Variants in NT5DC3 observed in about 807,000 individuals in gnomAD.
The protein encoded by NT5DC3 is 5'-nucleotidase domain containing 3, also known as 5'-nucleotidase domain-containing protein 3.
In NT5DC3, 42 loss-of-function variants were observed where a neutral mutation model predicts 67.8. The ratio of observed to expected loss-of-function variants is 0.62; its 90% CI spans 0.48 to 0.80. The LOEUF (loss-of-function observed/expected upper bound fraction) is 0.80, where lower values mean the gene tolerates loss of function less well. Ranked by LOEUF, NT5DC3 falls within the 30% of genes least tolerant of loss-of-function variation. The pLI is 0.00. For synonymous variants in NT5DC3, 237 were observed against 255.6 expected (o/e 0.93, Z 0.69); for missense variants, 570 against 696.4 (o/e 0.82, Z 2.04).
chr12:103,764,807 G>T, the NT5DC3 span, among the ~76,000 whole-genome samples: 2 of 151,974 alleles, frequency 1.3e-5, no homozygotes, highest in Non-Finnish European at 2.9e-5. Context: ...CATTTCAAGG[G>T]TAAGTTCGGG....
At chr12:103,778,553 A>C (rs1458324391) in intron 13 of NT5DC3, among the ~76,000 whole-genome samples, 1 of 150,764 alleles carries the variant, frequency 6.6e-6, no homozygotes, top group Non-Finnish European at 1.5e-5. Context: ...ACAAACAAAC[A>C]AAAAAAACAG....
chr12:103,783,980 G>A (rs949325143), intron 12 of NT5DC3, among the ~76,000 whole-genome samples: 1 of 152,114 alleles, frequency 6.6e-6, no homozygotes, highest in Non-Finnish European at 1.5e-5. Flanking sequence ...TGGACTTGGG[G>A]ACTTGGTTCA....
At chr12:103,759,612 T>C in the NT5DC3 span, among the ~76,000 whole-genome samples, 35 of 152,226 alleles carry the variant, frequency 2.3e-4, 1 homozygote, top group Admixed American at 2.0e-4. Flanking sequence ...ATCCCAGTTC[T>C]GCCACTTGCT....
chr12:103,746,674 G>T, the NT5DC3 span: 6 of 1,613,936 alleles, frequency 3.7e-6, no homozygotes, highest in Non-Finnish European at 5.1e-6. Flanking sequence ...GTGTAACCTG[G>T]ATTATGAAGG....
At chr12:103,832,790 C>T (rs1887988353) in intron 1 of NT5DC3, among the ~76,000 whole-genome samples, 1 of 152,218 alleles carries the variant, frequency 6.6e-6, no homozygotes, top group Non-Finnish European at 1.5e-5. Context: ...CAGCTCAATC[C>T]TTCAAACTTT....
chr12:103,787,530 G>T lies in NT5DC3; in HGVS notation c.1102-3C>A. ...TTCAAAAATTCATATAAATTACCCT[G>T]TAATCAGAGAAAACTATAGTTATTA... On this transcript the variant is annotated splice_polypyrimidine_tract_variant and splice_region_variant and intron_variant, in intron 10 of 13. Coordinates refer to ENST00000392876, the MANE Select transcript of NT5DC3 (RefSeq NM_001031701.3). 1 of 1,526,360 alleles carries T rather than the reference G, an allele frequency of 6.6e-7. No homozygotes were observed. The highest frequency in any genetic ancestry group is 1.2e-5 in the South Asian group (1 of 85,226). The allele number at this position is 1,526,360 out of a possible 1,614,324, so 94.6% of individuals were successfully genotyped here. A position where few individuals can be genotyped will look rare whatever the true frequency, so the allele number is the denominator to read the frequency against.
At chr12:103,756,993 G>GAA in the NT5DC3 span, among the ~76,000 whole-genome samples, 7 of 15,260 alleles carry the variant, frequency 4.6e-4, no homozygotes, top group African/African-American at 2.4e-3. Flanking sequence ...CAGAAGGAGG[G>GAA]AAAATATATA....
At chr12:103,821,756 A>G (rs1887499854) in intron 1 of NT5DC3, 1 of 152,234 alleles carries the variant, frequency 6.6e-6, no homozygotes, top group African/African-American at 2.4e-5. Flanking sequence ...CAAACTTCTG[A>G]CGATAAATTT....
chr12:103,793,800 C>CATGCCAGG, intron 7 of NT5DC3, 137 bp downstream of exon 7: 1 of 708,888 alleles, frequency 1.4e-6, no homozygotes, highest in Non-Finnish European at 2.5e-6. Flanking sequence ...AGACGGCTAA[C>CATGCCAGG]ATGCCAGGAT....
rs902499192 is a variant in NT5DC3, at chr12:103,777,626, C to G, written c.*203G>C. 1.3e-5 allele frequency: 8 copies of G among 603,746 alleles called. No individual in the cohort carries two copies. The highest frequency in any genetic ancestry group is 1.1e-4 in the African/African-American group (6 of 54,358). The allele number at this position is 603,746 out of a possible 1,614,324, so 37.4% of individuals were successfully genotyped here. A position where few individuals can be genotyped will look rare whatever the true frequency, so the allele number is the denominator to read the frequency against. On this transcript the variant is annotated 3_prime_UTR_variant, in exon 14 of 14. Coordinates refer to ENST00000392876, the MANE Select transcript of NT5DC3 (RefSeq NM_001031701.3). Reference sequence around the variant, plus strand: ...TTCCAATGTGAAGCTTGCCTTTCAGCCCTGCATGGGGGGAAAGGCTGGAGG... The same window carrying G: ...TTCCAATGTGAAGCTTGCCTTTCAGGCCTGCATGGGGGGAAAGGCTGGAGG...
chr12:103,801,283 A>C (rs909854918), intron 4 of NT5DC3, among the ~76,000 whole-genome samples: 2 of 151,844 alleles, frequency 1.3e-5, no homozygotes, highest in Non-Finnish European at 2.9e-5. Context: ...TCTGGTGTGA[A>C]AGAGAAGAAA....
chr12:103,811,285 C>T (rs1015139808), intron 2 of NT5DC3, among the ~76,000 whole-genome samples: 2 of 29,098 alleles, frequency 6.9e-5, no homozygotes, highest in East Asian at 1.1e-3. Flanking sequence ...TGCGGGTGGG[C>T]GGGGGCGGGG....
intron 2 of NT5DC3, among the ~76,000 whole-genome samples, chr12:103,807,215 C>G (rs1886838245): frequency 6.6e-6 from 1 of 152,180 alleles, no homozygotes; most frequent in Non-Finnish European, 1.5e-5. Flanking sequence ...CCTCTCTTTC[C>G]CTCCCCTACC....
intron 2 of NT5DC3, among the ~76,000 whole-genome samples, chr12:103,812,296 T>C (rs938044524): frequency 2.0e-5 from 3 of 152,206 alleles, no homozygotes; most frequent in African/African-American, 7.2e-5. Flanking sequence ...AAAATGGCCC[T>C]GAACTCAGTG....
chr12:103,782,069 G>A (rs1235314664), intron 12 of NT5DC3, among the ~76,000 whole-genome samples: 1 of 152,192 alleles, frequency 6.6e-6, no homozygotes, highest in Non-Finnish European at 1.5e-5. Context: ...AAACTCAAAA[G>A]AAGAATAATT....
downstream of NT5DC3, among the ~76,000 whole-genome samples, chr12:103,767,738 G>A (rs530385843): frequency 6.6e-6 from 1 of 151,894 alleles, no homozygotes; most frequent in African/African-American, 2.4e-5. Flanking sequence ...CCTTCAGAAG[G>A]CAAAGGGAAA....
intron 13 of NT5DC3, 76 bp from the exon 14 acceptor site, chr12:103,778,157 T>A: frequency 1.5e-6 from 2 of 1,372,290 alleles, no homozygotes; most frequent in Non-Finnish European, 9.8e-7. Flanking sequence ...GAAATCAAAA[T>A]CACTTCTTTT....
intron 1 of NT5DC3, among the ~76,000 whole-genome samples, chr12:103,839,714 C>A (rs1389973592): frequency 6.6e-6 from 1 of 152,168 alleles, no homozygotes; most frequent in East Asian, 1.9e-4. Flanking sequence ...TTCCACCATA[C>A]CACACAACAG....
chr12:103,814,341 G>A (rs1253076073), intron 2 of NT5DC3, among the ~76,000 whole-genome samples: 1 of 152,228 alleles, frequency 6.6e-6, no homozygotes, highest in Non-Finnish European at 1.5e-5. Context: ...GAGATGGAGA[G>A]CTGAGCTGTA....
Sources: allele counts gnomAD v4.1 joint callset (sites outside exome capture counted in the v4.1 genomes callset), GRCh38; gene constraint gnomAD v4.1.1; transcripts MANE v1.5; gene names NCBI Gene and HGNC (gene_info 2026-07-23, HGNC 2026-07-21).